SLC35F4: variants seen among roughly 807,000 people sequenced by gnomAD.
SLC35F4 encodes the protein solute carrier family 35 member F4.
Under a neutral mutation model 44.2 loss-of-function variants are expected in SLC35F4, and 24 were observed. The ratio of observed to expected loss-of-function variants is 0.54; its 90% CI spans 0.39 to 0.76. The LOEUF is 0.76. SLC35F4 is among the 30% of genes least tolerant of loss of function. The pLI, the probability that SLC35F4 is intolerant of heterozygous loss-of-function variation, is 0.00. For missense variants in SLC35F4, 562 were observed against 586.1 expected (o/e 0.96, Z 0.42); for synonymous variants, 238 against 223.6 (o/e 1.06, Z -0.57).
At chr14:57,570,482 C>T (rs1485567558) in intron 5 of SLC35F4, among the ~76,000 whole-genome samples, 1 of 152,174 alleles carries the variant, frequency 6.6e-6, no homozygotes, top group Non-Finnish European at 1.5e-5. Context: ...AATGACTTCA[C>T]AAATATGGTG....
chr14:57,875,631 G>C lies in SLC35F4; in HGVS notation n.282+106282C>G, dbSNP rs550096507. Among the ~76,000 whole-genome samples, 197 of 152,326 alleles carry C rather than the reference G, an allele frequency of 1.3e-3. 6 individuals carry two copies. Among genetic ancestry groups the C allele is most frequent in the Admixed American group, 0.013 (196 of 15,294 alleles). On this transcript the variant is annotated intron_variant and non_coding_transcript_variant, in intron 1 of 1. Transcript: ENST00000556568. Reference sequence around the variant, plus strand: ...GGGCCACATATCTCATGACCCAGCAGTTCAGTCCAGGCTTATTCATGACAG... The same window carrying C: ...GGGCCACATATCTCATGACCCAGCACTTCAGTCCAGGCTTATTCATGACAG...
chr14:57,819,609 G>A (rs1312082425), intron 1 of SLC35F4, among the ~76,000 whole-genome samples: 1 of 150,776 alleles, frequency 6.6e-6, no homozygotes, highest in Non-Finnish European at 1.5e-5. Flanking sequence ...TTTGAGACCA[G>A]CCTGGCCAAC....
intron 1 of SLC35F4, among the ~76,000 whole-genome samples, chr14:57,971,120 A>G (rs1425421853): frequency 1.3e-5 from 2 of 152,206 alleles, no homozygotes; most frequent in South Asian, 2.1e-4. Context: ...ACTCACACAG[A>G]GTTGTCAATC....
intron 1 of SLC35F4, among the ~76,000 whole-genome samples, chr14:57,898,765 T>C (rs1429234017): frequency 2.0e-4 from 30 of 152,222 alleles, no homozygotes; most frequent in Admixed American, 2.0e-3. Context: ...TATCCAGTTT[T>C]TTAATACATT....
chr14:57,697,745 G>A (rs1013866469), intron 1 of SLC35F4, among the ~76,000 whole-genome samples: 3 of 150,882 alleles, frequency 2.0e-5, no homozygotes, highest in African/African-American at 4.9e-5. Flanking sequence ...AAAAATATTT[G>A]TTAAATTCCA....
chr14:57,730,787 GTC>G (rs2076324494), intron 1 of SLC35F4, among the ~76,000 whole-genome samples: 1 of 3,656 alleles, frequency 2.7e-4, no homozygotes, highest in East Asian at 6.8e-3. Context: ...TATCTCATAA[GTC>G]TGTCAAGGAA....
At chr14:57,820,087 T>A (rs1319576705) in intron 1 of SLC35F4, among the ~76,000 whole-genome samples, 1 of 152,190 alleles carries the variant, frequency 6.6e-6, no homozygotes, top group Non-Finnish European at 1.5e-5. Flanking sequence ...ATAATAAATT[T>A]GTATGCCTAT....
In SLC35F4 at chr14:57,800,130, A is replaced by G. The variant is rs1217821701; in HGVS notation, c.103+65593T>C. 3.3e-5 allele frequency among the ~76,000 whole-genome samples: 5 copies of G among 152,090 alleles called. No homozygotes were observed. The East Asian group carries it at 9.7e-4, about 29-fold the overall frequency. ...TGGGCCGGCAACATGTCAGTACCTC[A>G]CTGGGACAGAGCTTCCAGAGGAAGG... On this transcript the variant is annotated intron_variant, in intron 1 of 7. Coordinates refer to ENST00000556826, the MANE Select transcript of SLC35F4 (RefSeq NM_001306087.2).
chr14:57,607,435 A>T (rs984068847), intron 1 of SLC35F4, among the ~76,000 whole-genome samples: 1 of 152,228 alleles, frequency 6.6e-6, no homozygotes, highest in Admixed American at 6.5e-5. Context: ...AACAACCAGC[A>T]TCAGTTTGTT....
At chr14:57,610,994 T>A (rs1414278313) in intron 1 of SLC35F4, among the ~76,000 whole-genome samples, 1 of 152,158 alleles carries the variant, frequency 6.6e-6, no homozygotes, top group Non-Finnish European at 1.5e-5. Context: ...GGGTAGTGAT[T>A]GGGAATAGCA....
chr14:57,671,875 T>G (rs1240599991), intron 1 of SLC35F4, among the ~76,000 whole-genome samples: 1 of 152,068 alleles, frequency 6.6e-6, no homozygotes, highest in Non-Finnish European at 1.5e-5. Context: ...ATTCTCCCCA[T>G]GAAATCAGGC....
intron 1 of SLC35F4, among the ~76,000 whole-genome samples, chr14:57,650,293 C>G (rs1034365465): frequency 2.6e-5 from 4 of 152,086 alleles, no homozygotes; most frequent in African/African-American, 9.7e-5. Flanking sequence ...ACTTGGTACC[C>G]TTACTGGAAT....
At chr14:57,948,786 G>A (rs1445429062) in intron 1 of SLC35F4, among the ~76,000 whole-genome samples, 1 of 152,020 alleles carries the variant, frequency 6.6e-6, no homozygotes, top group Non-Finnish European at 1.5e-5. Context: ...TGATTTCATT[G>A]TTGACCCAAA....
intron 1 of SLC35F4, among the ~76,000 whole-genome samples, chr14:57,901,651 T>C (rs1889002969): frequency 6.6e-6 from 1 of 152,124 alleles, no homozygotes; most frequent in Non-Finnish European, 1.5e-5. Flanking sequence ...CTGCACATCC[T>C]GCACATGTAC....
chr14:57,577,412 T>A (rs2068866605), intron 4 of SLC35F4, among the ~76,000 whole-genome samples: 1 of 152,284 alleles, frequency 6.6e-6, no homozygotes, highest in African/African-American at 2.4e-5. Context: ...CACTAATGCA[T>A]TTCACAGTCT....
At chr14:57,892,363 C>T (rs950740428) in intron 1 of SLC35F4, among the ~76,000 whole-genome samples, 1 of 152,184 alleles carries the variant, frequency 6.6e-6, no homozygotes, top group African/African-American at 2.4e-5. Context: ...TCCTAAATAT[C>T]CTTTCCACAT....
At chr14:57,687,333 A>T (rs1344422240) in intron 1 of SLC35F4, among the ~76,000 whole-genome samples, 1 of 152,172 alleles carries the variant, frequency 6.6e-6, no homozygotes, top group African/African-American at 2.4e-5. Context: ...ATTGAATTAA[A>T]TTTGGAGAGC....
chr14:57,897,840 A>G (rs1388088768), intron 1 of SLC35F4, among the ~76,000 whole-genome samples: 1 of 152,168 alleles, frequency 6.6e-6, no homozygotes, highest in Admixed American at 6.5e-5. Flanking sequence ...ACAGAGCACA[A>G]AAATAGGCTT....
intron 1 of SLC35F4, among the ~76,000 whole-genome samples, chr14:57,953,875 G>T (rs1890187758): frequency 6.6e-6 from 1 of 152,164 alleles, no homozygotes; most frequent in Non-Finnish European, 1.5e-5. Flanking sequence ...CAATGAGACA[G>T]AAAATTAACA....
Sources: gnomAD v4.1 joint callset for allele counts (sites outside exome capture counted in the v4.1 genomes callset) on GRCh38, gnomAD v4.1.1 for gene constraint, MANE v1.5 for transcripts, NCBI Gene and HGNC (gene_info 2026-07-23, HGNC 2026-07-21) for gene names.